Variants in PTBP3 observed in about 807,000 individuals in gnomAD.
PTBP3 encodes polypyrimidine tract binding protein 3, also known as polypyrimidine tract-binding protein 3.
A neutral mutation model predicts 58.7 loss-of-function variants in PTBP3; 20 were observed. That is an observed-to-expected ratio of 0.34 (90% CI 0.24 to 0.50). PTBP3 has a LOEUF of 0.50. Ranked by LOEUF, PTBP3 falls within the 20% of genes least tolerant of loss-of-function variation. The pLI is 0.98. For synonymous variants in PTBP3, 185 were observed against 219.8 expected, an observed-to-expected ratio of 0.84 and a Z score of 1.40; for missense variants, 509 against 637.2, an observed-to-expected ratio of 0.80 and a Z score of 2.17.
At chr9:112,237,773 A>C (rs761711890) in intron 7 of PTBP3, among the ~76,000 whole-genome samples, 18 of 152,148 alleles carry the variant, frequency 1.2e-4, no homozygotes, top group Non-Finnish European at 2.5e-4. Context: ...CTATTAATAT[A>C]AGCTGAAAAT....
chr9:112,310,937 A>C (rs1235160215), intron 1 of PTBP3, among the ~76,000 whole-genome samples: 1 of 152,246 alleles, frequency 6.6e-6, no homozygotes, highest in Non-Finnish European at 1.5e-5. Flanking sequence ...CAAGGGGAGA[A>C]GTAAAGAGAT....
Position 112,250,913 on chromosome 9 carries a change from A to G in PTBP3, c.802+16T>C, listed in dbSNP as rs1836085985. The G allele has an allele frequency of 6.7e-7, 1 of 1,488,776 alleles. No homozygotes were observed. The highest frequency in any genetic ancestry group is 8.9e-7 in the Non-Finnish European group (1 of 1,118,130). 92.2% of individuals were successfully genotyped at this position (1,488,776 alleles called of 1,614,324 possible). A position where few individuals can be genotyped will look rare whatever the true frequency, so the allele number is the denominator to read the frequency against. On this transcript the variant is annotated intron_variant, in intron 7 of 13. Coordinates refer to ENST00000374257, the MANE Select transcript of PTBP3 (RefSeq NM_001163788.4). The stretch of plus-strand genomic sequence containing the variant: ...TTCAGAAAACTTGCTTTGTGACCCA[A>G]AAAAGAACTACTCACCAAAAGCAGC...
intron 7 of PTBP3, among the ~76,000 whole-genome samples, chr9:112,247,262 T>C (rs1041215701): frequency 7.9e-6 from 1 of 126,110 alleles, no homozygotes; most frequent in Non-Finnish European, 1.6e-5. Context: ...TAAGTCCCTG[T>C]TTCAATAATA....
chr9:112,222,021 C>CT lies in PTBP3; in HGVS notation c.*1829dup. ...CTTGAACTCCTGGGCTCAAGTGATC[C>CT]TCCTGCCTGTAGCCTCCTGCCTACA... On this transcript the variant is annotated 3_prime_UTR_variant, in exon 14 of 14. Coordinates refer to ENST00000374257, the MANE Select transcript of PTBP3 (RefSeq NM_001163788.4). 1.1e-6 allele frequency: 1 copy of CT among 936,802 alleles called. No individual in the cohort carries two copies. The highest frequency in any genetic ancestry group is 1.3e-6 in the Non-Finnish European group (1 of 785,316). 58.0% of individuals were successfully genotyped at this position (936,802 alleles called of 1,614,324 possible). A position where few individuals can be genotyped will look rare whatever the true frequency, so the allele number is the denominator to read the frequency against.
chr9:112,294,357 GA>G (rs1302443299), intron 2 of PTBP3, among the ~76,000 whole-genome samples: 1 of 151,958 alleles, frequency 6.6e-6, no homozygotes, highest in Non-Finnish European at 1.5e-5. Flanking sequence ...CATCTCTACA[GA>G]AAATAAAAAA....
rs767276900 is a variant in PTBP3 at position 112,262,420 on chromosome 9, T to C, written c.516+15A>G. 4 of 1,560,356 alleles carry C rather than the reference T, an allele frequency of 2.6e-6. No individual in the cohort carries two copies. The African/African-American group carries it at 5.6e-5, about 22-fold the overall frequency. ...ATTTAACTTAACTTTCTTAAGGGTA[T>C]TTATTCCTCCTTACCTGATGAAGAA... On this transcript the variant is annotated intron_variant, in intron 5 of 13. Coordinates refer to ENST00000374257, the MANE Select transcript of PTBP3 (RefSeq NM_001163788.4).
At chr9:112,367,037 T>C in the PTBP3 span, among the ~76,000 whole-genome samples, 1 of 152,224 alleles carries the variant, frequency 6.6e-6, no homozygotes, top group Admixed American at 6.5e-5. Flanking sequence ...TCTTTGTGGT[T>C]ACCATGAGCC....
intron 1 of PTBP3, chr9:112,298,457 G>A (rs1589885189): frequency 2.4e-6 from 1 of 419,936 alleles, no homozygotes; most frequent in Non-Finnish European, 4.7e-6. Flanking sequence ...TCAGGTAAGA[G>A]TTTTGATCAA....
intron 12 of PTBP3, 43 bp downstream of exon 12, chr9:112,227,368 A>T (rs372463327): frequency 8.2e-6 from 13 of 1,575,938 alleles, no homozygotes; most frequent in Non-Finnish European, 1.1e-5. Flanking sequence ...CATATTGTAG[A>T]TTATTCATCA....
At chr9:112,302,872 G>T (rs925658611) in intron 1 of PTBP3, among the ~76,000 whole-genome samples, 2 of 152,084 alleles carry the variant, frequency 1.3e-5, no homozygotes, top group South Asian at 4.1e-4. Flanking sequence ...TTACAGGCGT[G>T]AGCCACCACG....
chr9:112,344,580 T>G, the PTBP3 span, among the ~76,000 whole-genome samples: 1 of 152,166 alleles, frequency 6.6e-6, no homozygotes, highest in African/African-American at 2.4e-5. Flanking sequence ...TCTTTATAAA[T>G]TATCCAGTCT....
chr9:112,283,701 T>C (rs1402253444), intron 2 of PTBP3, among the ~76,000 whole-genome samples: 2 of 152,200 alleles, frequency 1.3e-5, no homozygotes, highest in African/African-American at 4.8e-5. Flanking sequence ...CAAGACGATA[T>C]GGAAAATGTC....
upstream of PTBP3, among the ~76,000 whole-genome samples, chr9:112,335,497 G>T (rs1426896610): frequency 6.6e-6 from 1 of 151,324 alleles, no homozygotes; most frequent in Non-Finnish European, 1.5e-5. Flanking sequence ...TGTTGGTCAG[G>T]CTGGTCTCGA....
intron 9 of PTBP3, 133 bp downstream of exon 9, chr9:112,231,966 A>AGAGGAGAG (rs1835232463): frequency 5.5e-6 from 1 of 180,366 alleles, no homozygotes; most frequent in Non-Finnish European, 9.4e-6. Context: ...AGAGAAGAGA[A>AGAGGAGAG]GAGAGAAGAG....
At chr9:112,242,988 T>A (rs1835720586) in intron 7 of PTBP3, 1 of 152,218 alleles carries the variant, frequency 6.6e-6, no homozygotes. Context: ...TGGATTAGAT[T>A]GGCAACTTTG....
chr9:112,315,200 CAT>C (rs770772677), intron 1 of PTBP3, among the ~76,000 whole-genome samples: 15 of 151,700 alleles, frequency 9.9e-5, no homozygotes, highest in Non-Finnish European at 1.6e-4. Context: ...ACAGAACATT[CAT>C]AAAGACAAAC....
Position 112,252,660 on chromosome 9 carries a change from A to G in PTBP3, c.627+18T>C. The G allele has an allele frequency of 1.3e-6, 2 of 1,528,338 alleles. No homozygotes were observed. Among genetic ancestry groups the G allele is most frequent in the East Asian group, 4.5e-5 (2 of 44,400 alleles). 94.7% of individuals were successfully genotyped at this position (1,528,338 alleles called of 1,614,324 possible). A position where few individuals can be genotyped will look rare whatever the true frequency, so the allele number is the denominator to read the frequency against. On this transcript the variant is annotated intron_variant, in intron 6 of 13. Coordinates refer to ENST00000374257, the MANE Select transcript of PTBP3 (RefSeq NM_001163788.4). The stretch of plus-strand genomic sequence containing the variant: ...GGAGTGATTAACAATTGAAAAATGA[A>G]ACAAAGATCATAATTACCATTTTGG...
chr9:112,268,061 T>C lies in PTBP3; in HGVS notation c.339A>G (p.Leu113=), dbSNP rs1004456233. The change falls in exon 4 of 14, where the codon CTA becomes CTG. Residue 113 remains leucine, a synonymous_variant. Transcript: ENST00000374257. ...CTTTAATACTTACAGCTTGATTAGGTAGATTGTCAGTCTTAAGTTCTCTGT... is the reference window on the plus strand; with the variant it reads ...CTTTAATACTTACAGCTTGATTAGGCAGATTGTCAGTCTTAAGTTCTCTGT... ...SNHRELKTDN[L]PNQARAQAAL... is the part of the protein sequence containing the mutation. The C allele has an allele frequency of 4.3e-6, 7 of 1,610,294 alleles. No individual in the cohort carries two copies. The highest frequency in any genetic ancestry group is 5.9e-6 in the Non-Finnish European group (7 of 1,178,748).
At chr9:112,347,090 A>G in the PTBP3 span, among the ~76,000 whole-genome samples, 54,884 of 151,966 alleles carry the variant, frequency 0.36, 10,118 homozygotes, top group South Asian at 0.44. Flanking sequence ...ATGAAAAAAT[A>G]TTCATAGCAT....
Sources: gnomAD v4.1 joint callset for allele counts (sites outside exome capture counted in the v4.1 genomes callset) on GRCh38, gnomAD v4.1.1 for gene constraint, MANE v1.5 for transcripts, NCBI Gene and HGNC (gene_info 2026-07-23, HGNC 2026-07-21) for gene names.